Variants in STK10 observed in about 807,000 individuals in gnomAD.
STK10 encodes serine/threonine kinase 10, also known as serine/threonine-protein kinase 10.
STK10 carries 78 observed loss-of-function variants against 113.8 expected under a neutral mutation model. That is an observed-to-expected ratio of 0.69 (90% CI 0.57 to 0.83). The LOEUF is 0.83. Ranked by LOEUF, STK10 falls within the 40% of genes least tolerant of loss-of-function variation. The pLI, the probability that STK10 is intolerant of heterozygous loss-of-function variation, is 0.00. For missense variants in STK10, 1,109 were observed against 1,280.1 expected, an observed-to-expected ratio of 0.87 and a Z score of 2.04; for synonymous variants, 465 against 494.7, an observed-to-expected ratio of 0.94 and a Z score of 0.80.
chr5:172,045,076 G>C (rs1419563016), intron 18 of STK10, 54 bp from the exon 19 acceptor site: 72 of 1,599,198 alleles, frequency 4.5e-5, no homozygotes, highest in Middle Eastern at 3.3e-4. Flanking sequence ...GCCACACGTG[G>C]GTCTCCCACT....
intron 12 of STK10, among the ~76,000 whole-genome samples, chr5:172,073,976 A>G (rs1768256131): frequency 6.6e-6 from 1 of 150,822 alleles, no homozygotes; most frequent in South Asian, 2.1e-4. Flanking sequence ...AATAATAATA[A>G]TAATAATAAT....
At chr5:172,062,666 G>C (rs1481852297) in intron 13 of STK10, among the ~76,000 whole-genome samples, 1 of 152,224 alleles carries the variant, frequency 6.6e-6, no homozygotes, top group Non-Finnish European at 1.5e-5. Flanking sequence ...AATATTCTAT[G>C]ATTCCACTTA....
intron 2 of STK10, among the ~76,000 whole-genome samples, chr5:172,139,493 GAAAAAA>G: frequency 9.4e-6 from 1 of 106,602 alleles, no homozygotes; most frequent in Middle Eastern, 5.6e-3. Flanking sequence ...CCCATCTCTG[GAAAAAA>G]AAAAAAAAAA....
In STK10 at chr5:172,161,459, A is replaced by T. The variant is rs186322127; in HGVS notation, c.157-4671T>A. Among the ~76,000 whole-genome samples, 355 of 152,230 alleles carry T rather than the reference A, an allele frequency of 2.3e-3. 4 individuals carry two copies. In the East Asian group the frequency reaches 0.025, roughly 11 times the overall value. On this transcript the variant is annotated intron_variant, in intron 1 of 18. Transcript: ENST00000176763. Reference sequence around the variant, plus strand: ...CAGAGTGAGACTCCGTCTCAAAAAAAAAAAATAAAAAAATACTGAGGAGTG... The same window carrying T: ...CAGAGTGAGACTCCGTCTCAAAAAATAAAAATAAAAAAATACTGAGGAGTG...
At chr5:172,168,300 C>CT (rs985559547) in intron 1 of STK10, among the ~76,000 whole-genome samples, 3 of 152,160 alleles carry the variant, frequency 2.0e-5, no homozygotes, top group Non-Finnish European at 4.4e-5. Context: ...GGCTGCGACT[C>CT]TATTTAGGAG....
chr5:172,182,584 C>T (rs1268636530), intron 1 of STK10, among the ~76,000 whole-genome samples: 3 of 120,650 alleles, frequency 2.5e-5, no homozygotes, highest in Non-Finnish European at 4.9e-5. Context: ...ACGGAGTTTT[C>T]GCTCTTTCAC....
At chr5:172,090,416 G>A in intron 9 of STK10, 54 bp from the exon 10 acceptor site, 2 of 1,588,190 alleles carry the variant, frequency 1.3e-6, no homozygotes, top group Non-Finnish European at 1.7e-6. Context: ...AGGACCCATG[G>A]CTGTCGCAGC....
intron 7 of STK10, among the ~76,000 whole-genome samples, chr5:172,098,239 A>C (rs931074663): frequency 3.9e-5 from 6 of 152,248 alleles, no homozygotes; most frequent in South Asian, 2.1e-4. Flanking sequence ...CATTTAAAAC[A>C]GTTCATTTGG....
Position 172,188,154 on chromosome 5 carries a change from C to A in STK10, c.-112G>T, listed in dbSNP as rs1243208656. 1 of 1,460,628 alleles carries A rather than the reference C, an allele frequency of 6.8e-7. No homozygotes were observed. The highest frequency in any genetic ancestry group is 9.1e-7 in the Non-Finnish European group (1 of 1,102,072). 90.5% of individuals were successfully genotyped at this position (1,460,628 alleles called of 1,614,324 possible). ...GGAGGACGCCGCGTCTCTCGGGGTT[C>A]TCCCCAGACCCGCCTTTCCCCGCAG... On this transcript the variant is annotated 5_prime_UTR_variant, in exon 1 of 19. Coordinates refer to ENST00000176763, the MANE Select transcript of STK10 (RefSeq NM_005990.4). The surrounding 1 kb of genome is among the most constrained non-coding windows in gnomAD (Gnocchi z 5.6).
At chr5:172,078,050 T>C (rs1337873684) in intron 12 of STK10, among the ~76,000 whole-genome samples, 1 of 152,176 alleles carries the variant, frequency 6.6e-6, no homozygotes, top group African/African-American at 2.4e-5. Context: ...TCCTGACCAC[T>C]ATGTCAAGGG....
chr5:172,047,220 T>C (rs1459578253), intron 18 of STK10, among the ~76,000 whole-genome samples: 1 of 152,176 alleles, frequency 6.6e-6, no homozygotes, highest in African/African-American at 2.4e-5. Context: ...AAGAATTCTA[T>C]AAAGAATTCT....
At chr5:172,119,727 A>G (rs7707245) in intron 3 of STK10, among the ~76,000 whole-genome samples, 22,313 of 130,368 alleles carry the variant, frequency 0.17, 3,587 homozygotes, top group African/African-American at 0.41. Context: ...AGCCGGGCGT[A>G]GTGGCGGGCG....
intron 1 of STK10, among the ~76,000 whole-genome samples, chr5:172,182,550 ATTTTT>A (rs774193068): frequency 9.3e-6 from 1 of 107,522 alleles, no homozygotes. Context: ...TGCCCAGCTC[ATTTTT>A]TTTTTTTTTT....
At chr5:172,141,236 A>C (rs896544095) in intron 2 of STK10, among the ~76,000 whole-genome samples, 1 of 152,178 alleles carries the variant, frequency 6.6e-6, no homozygotes, top group African/African-American at 2.4e-5. Context: ...TACACGTTAA[A>C]ATGTGTTTAA....
Position 172,052,864 on chromosome 5 carries a change from C to T in STK10, c.2766+65G>A. 1.3e-6 allele frequency: 2 copies of T among 1,517,850 alleles called. 1 individual carries two copies. Among genetic ancestry groups the T allele is most frequent in the Non-Finnish European group, 1.8e-6 (2 of 1,096,488 alleles). The allele number at this position is 1,517,850 out of a possible 1,614,324, so 94.0% of individuals were successfully genotyped here. Reference sequence around the variant, plus strand: ...AATAAGGAGACCTAACATGTCCTGGCCAGAGGCCTGTGCATGGCACAGAGC... The same window carrying T: ...AATAAGGAGACCTAACATGTCCTGGTCAGAGGCCTGTGCATGGCACAGAGC... On this transcript the variant is annotated intron_variant, in intron 18 of 18. Transcript: ENST00000176763.
chr5:172,129,221 G>A (rs573513089), intron 2 of STK10, among the ~76,000 whole-genome samples: 3 of 152,208 alleles, frequency 2.0e-5, no homozygotes, highest in Non-Finnish European at 2.9e-5. Context: ...ACTTTAACGT[G>A]GGCCAGGGAT....
chr5:172,184,152 T>C (rs1312974309), intron 1 of STK10, among the ~76,000 whole-genome samples: 2 of 152,166 alleles, frequency 1.3e-5, no homozygotes, highest in African/African-American at 4.8e-5. Context: ...CAAAATGGAA[T>C]CTCTGGTTCC....
At chr5:172,105,585 G>T in intron 7 of STK10, 71 bp downstream of exon 7, 1 of 1,521,010 alleles carries the variant, frequency 6.6e-7, no homozygotes, top group Non-Finnish European at 9.1e-7. Context: ...AACATGCCCA[G>T]CGTCCAGGTC....
intron 4 of STK10, chr5:172,114,473 ATTTTTTTTTTT>A (rs546584414): frequency 2.1e-5 from 1 of 47,546 alleles, no homozygotes; most frequent in African/African-American, 1.4e-4. Flanking sequence ...ATATATATAT[ATTTTTTTTTTT>A]TTTTTTTTTT....
Sources: allele counts gnomAD v4.1 joint callset (sites outside exome capture counted in the v4.1 genomes callset), GRCh38; gene constraint gnomAD v4.1.1; non-coding constraint Gnocchi (gnomAD v3.1); transcripts MANE v1.5; gene names NCBI Gene and HGNC (gene_info 2026-07-23, HGNC 2026-07-21).